Variants in SLC8A3 observed in about 807,000 individuals in gnomAD.
The protein encoded by SLC8A3 is sodium/calcium exchanger 3.
SLC8A3 carries 37 observed loss-of-function variants against 65.4 expected under a neutral mutation model. The observed-to-expected ratio is 0.57, with a 90% CI of 0.44 to 0.74. The LOEUF (loss-of-function observed/expected upper bound fraction) is 0.74. SLC8A3 is among the 30% of genes least tolerant of loss of function. The probability of loss-of-function intolerance (pLI) is 0.00; values close to 1 mark genes in which losing one functional copy is unlikely to be tolerated. For missense variants in SLC8A3, 1,112 were observed against 1,172.1 expected, an observed-to-expected ratio of 0.95 and a Z score of 0.75; for synonymous variants, 461 against 444.5, an observed-to-expected ratio of 1.04 and a Z score of -0.47.
At chr14:70,103,952 C>A (rs1892693800) in intron 2 of SLC8A3, among the ~76,000 whole-genome samples, 1 of 151,894 alleles carries the variant, frequency 6.6e-6, no homozygotes, top group Non-Finnish European at 1.5e-5. Context: ...ATAAACTATG[C>A]AAATGGTAAG....
intron 2 of SLC8A3, among the ~76,000 whole-genome samples, chr14:70,072,868 A>G: frequency 6.6e-6 from 1 of 152,054 alleles, no homozygotes; most frequent in East Asian, 1.9e-4. Flanking sequence ...GGCTAGTCTC[A>G]AACTCGTGAC....
intron 2 of SLC8A3, among the ~76,000 whole-genome samples, chr14:70,075,123 A>G (rs866173500): frequency 1.3e-5 from 2 of 151,022 alleles, no homozygotes; most frequent in East Asian, 1.9e-4. Flanking sequence ...AACTGTGTGT[A>G]TGTGTGTGTG....
intron 2 of SLC8A3, among the ~76,000 whole-genome samples, chr14:70,119,236 T>C (rs942165223): frequency 6.6e-6 from 1 of 152,116 alleles, no homozygotes; most frequent in Non-Finnish European, 1.5e-5. Flanking sequence ...TAAAGTCCTA[T>C]TTCCAAGGCT....
At position 70,060,926 on chromosome 14, in the gene SLC8A3, C is replaced by T. The variant is rs1218870261; in HGVS notation, c.1798G>A (p.Val600Ile). The T allele has an allele frequency of 6.0e-6, 9 of 1,495,956 alleles. No individual in the cohort carries two copies. Among genetic ancestry groups the T allele is most frequent in the East Asian group, 2.3e-5 (1 of 44,206 alleles). The allele number at this position is 1,495,956 out of a possible 1,614,324, so 92.7% of individuals were successfully genotyped here. A position where few individuals can be genotyped will look rare whatever the true frequency, so the allele number is the denominator to read the frequency against. Residue 600 changes from valine to isoleucine, a missense_variant, in exon 3 of 7, where the codon GTT (valine) becomes ATT (isoleucine). Val to Ile is a conservative substitution (Grantham distance 29). Transcript: ENST00000356921. The stretch of plus-strand genomic sequence containing the variant: ...TATTCCTCCTCATCTACTATTTTAA[C>T]CCTTATGGTTTTCCTGTAGGGACAA... ...KNDETVKTIRVKIVDEEEYER... is the reference protein window; with the variant it reads ...KNDETVKTIRIKIVDEEEYER...
chr14:70,045,821 T>C lies in SLC8A3; in HGVS notation c.*126A>G. 1 of 958,562 alleles carries C rather than the reference T, an allele frequency of 1.0e-6. No individual in the cohort carries two copies. The highest frequency in any genetic ancestry group is 1.5e-6 in the Non-Finnish European group (1 of 664,674). 59.4% of individuals were successfully genotyped at this position (958,562 alleles called of 1,614,324 possible). ...TGCCAGGGCCTAAGTTGGGTGAAGT[T>C]CCTGGGGCTTAGGTCCTGATGCTGC... On this transcript the variant is annotated 3_prime_UTR_variant, in exon 7 of 7. Coordinates refer to ENST00000356921, the MANE Select transcript of SLC8A3 (RefSeq NM_182932.3).
At chr14:70,176,263 T>C (rs968203331) in intron 1 of SLC8A3, among the ~76,000 whole-genome samples, 1 of 152,192 alleles carries the variant, frequency 6.6e-6, no homozygotes, top group Non-Finnish European at 1.5e-5. Context: ...TTAAGTTTTG[T>C]TTTTCCCATG....
At chr14:70,149,654 TGTAATTATTGTA>T (rs1472574391) in intron 2 of SLC8A3, among the ~76,000 whole-genome samples, 1 of 152,174 alleles carries the variant, frequency 6.6e-6, no homozygotes, top group African/African-American at 2.4e-5. Context: ...CAGCCTGTAC[TGTAATTATTGTA>T]GCTGCTCCAG....
intron 2 of SLC8A3, among the ~76,000 whole-genome samples, chr14:70,131,869 C>T (rs781158160): frequency 6.6e-6 from 1 of 152,074 alleles, no homozygotes; most frequent in Non-Finnish European, 1.5e-5. Flanking sequence ...AACAAGAGGA[C>T]AGATAAGACA....
chr14:70,144,110 C>T lies in SLC8A3; in HGVS notation c.1784+22529G>A, dbSNP rs557019412. 8.5e-5 allele frequency among the ~76,000 whole-genome samples: 13 copies of T among 152,156 alleles called. 1 individual carries two copies. In the South Asian group the frequency reaches 2.3e-3, roughly 27 times the overall value. ...CTGTGTCTGACTCTTCTCCATACCCCGCTGTGGGGGCAGGGCACTCAATAG... is the reference window on the plus strand; with the variant it reads ...CTGTGTCTGACTCTTCTCCATACCCTGCTGTGGGGGCAGGGCACTCAATAG... On this transcript the variant is annotated intron_variant, in intron 2 of 6. Transcript: ENST00000356921.
chr14:70,093,624 A>G (rs777411537), intron 2 of SLC8A3, among the ~76,000 whole-genome samples: 2 of 152,196 alleles, frequency 1.3e-5, no homozygotes, highest in Non-Finnish European at 2.9e-5. Context: ...TAAACACATG[A>G]CATAAGGCAG....
chr14:70,171,365 G>A (rs140704475), intron 1 of SLC8A3, among the ~76,000 whole-genome samples: 4 of 152,282 alleles, frequency 2.6e-5, no homozygotes, highest in Non-Finnish European at 4.4e-5. Flanking sequence ...GGAGGATGAC[G>A]GTCTTTGTTT....
intron 2 of SLC8A3, among the ~76,000 whole-genome samples, chr14:70,126,547 T>TTCTCTCTC (rs36183214): frequency 0.019 from 2,287 of 117,912 alleles, 88 homozygotes; most frequent in South Asian, 0.095. Context: ...AGAAAGAAAA[T>TTCTCTCTC]TCTCTCTCTC....
intron 2 of SLC8A3, among the ~76,000 whole-genome samples, chr14:70,076,787 C>A (rs1294401246): frequency 6.6e-6 from 1 of 152,156 alleles, no homozygotes; most frequent in African/African-American, 2.4e-5. Context: ...TTGGTTATGA[C>A]TTTGGTTAAG....
At chr14:70,108,233 T>A (rs1893007575) in intron 2 of SLC8A3, among the ~76,000 whole-genome samples, 1 of 152,014 alleles carries the variant, frequency 6.6e-6, no homozygotes, top group Admixed American at 6.5e-5. Flanking sequence ...GACAGACTCA[T>A]TTGCAAAATC....
At chr14:70,089,216 A>G (rs551784903) in intron 2 of SLC8A3, among the ~76,000 whole-genome samples, 15 of 152,210 alleles carry the variant, frequency 9.9e-5, no homozygotes, top group African/African-American at 3.4e-4. Flanking sequence ...CTCAGACACC[A>G]TCTTCTCTGA....
chr14:70,163,256 A>G (rs1297533877), intron 2 of SLC8A3, among the ~76,000 whole-genome samples: 2 of 152,232 alleles, frequency 1.3e-5, no homozygotes, highest in Admixed American at 1.3e-4. Flanking sequence ...CCTGGTACTC[A>G]GAAAAGTGAT....
At position 70,091,612 on chromosome 14, in the gene SLC8A3, C is replaced by T. The variant is rs141302162; in HGVS notation, c.1785-30673G>A. On this transcript the variant is annotated intron_variant, in intron 2 of 6. Transcript: ENST00000356921. ...AGATATCTGGTGTCGGAGCCACGCA[C>T]CCCTCCCTTGAATCCTAACAGGGAA... Among the ~76,000 whole-genome samples, 621 of 152,294 alleles carry T rather than the reference C, an allele frequency of 4.1e-3. 4 individuals carry two copies. The highest frequency in any genetic ancestry group is 0.014 in the African/African-American group (579 of 41,546).
At chr14:70,078,894 C>T (rs966968188) in intron 2 of SLC8A3, among the ~76,000 whole-genome samples, 5 of 152,212 alleles carry the variant, frequency 3.3e-5, no homozygotes, top group Admixed American at 2.0e-4. Context: ...AAGCTTCTAG[C>T]ACAGTCTCTG....
chr14:70,072,199 T>C (rs1046780780), intron 2 of SLC8A3, among the ~76,000 whole-genome samples: 17 of 152,214 alleles, frequency 1.1e-4, no homozygotes, highest in Non-Finnish European at 4.4e-5. Flanking sequence ...CCATGGGTAC[T>C]CCTCTGCTTT....
Sources: allele counts gnomAD v4.1 joint callset (sites outside exome capture counted in the v4.1 genomes callset), GRCh38; gene constraint gnomAD v4.1.1; transcripts MANE v1.5; gene names NCBI Gene and HGNC (gene_info 2026-07-23, HGNC 2026-07-21).